The following VPS13B variants were observed in gnomAD, a reference collection of about 807,000 sequenced individuals.
The protein encoded by VPS13B is intermembrane lipid transfer protein VPS13B.
Under a neutral mutation model 426.4 loss-of-function variants are expected in VPS13B, and 285 were observed. That is an observed-to-expected ratio of 0.67 (90% CI 0.61 to 0.74). The LOEUF (loss-of-function observed/expected upper bound fraction) is 0.74, where lower values mean the gene tolerates loss of function less well. VPS13B is among the 30% of genes least tolerant of loss of function. The probability of loss-of-function intolerance (pLI) is 0.00; values close to 1 mark genes in which losing one functional copy is unlikely to be tolerated. For missense variants in VPS13B, 4,537 were observed against 4,782.6 expected, an observed-to-expected ratio of 0.95 and a Z score of 1.51; for synonymous variants, 1,676 against 1,676.4, an observed-to-expected ratio of 1.00 and a Z score of 0.01.
chr8:99,326,452 C>CTTTTTTTTTTGTTTTTTTT (rs1810271194), intron 19 of VPS13B, among the ~76,000 whole-genome samples: 1 of 32,518 alleles, frequency 3.1e-5, no homozygotes, highest in African/African-American at 1.3e-4. Context: ...CTCTAGGTAG[C>CTTTTTTTTTTGTTTTTTTT]TTTTTTTTTT....
At chr8:99,786,737 AAACCTAGAT>A (rs1359293251) in intron 43 of VPS13B, among the ~76,000 whole-genome samples, 1 of 152,176 alleles carries the variant, frequency 6.6e-6, no homozygotes, top group Non-Finnish European at 1.5e-5. Flanking sequence ...CTTAAGACTA[AAACCTAGAT>A]AACCTAGATA....
At chr8:99,254,839 C>T (rs1817668590) in intron 17 of VPS13B, among the ~76,000 whole-genome samples, 1 of 152,000 alleles carries the variant, frequency 6.6e-6, no homozygotes, top group African/African-American at 2.4e-5. Context: ...GACGGGGTTT[C>T]ACCATGTTGG....
intron 2 of VPS13B, among the ~76,000 whole-genome samples, chr8:99,029,504 G>A (rs1032483261): frequency 6.6e-6 from 1 of 152,180 alleles, no homozygotes; most frequent in Non-Finnish European, 1.5e-5. Flanking sequence ...GAGTGAACGA[G>A]ACTCCGTCTG....
intron 19 of VPS13B, among the ~76,000 whole-genome samples, chr8:99,326,452 C>CTTTTTTTTTTTTTT: frequency 0.013 from 409 of 32,526 alleles, 142 homozygotes; most frequent in East Asian, 0.019. Context: ...CTCTAGGTAG[C>CTTTTTTTTTTTTTT]TTTTTTTTTT....
intron 3 of VPS13B, among the ~76,000 whole-genome samples, chr8:99,053,222 G>A (rs1587969404): frequency 6.6e-6 from 1 of 152,008 alleles, no homozygotes; most frequent in African/African-American, 2.4e-5. Flanking sequence ...CATGTGCCAT[G>A]TTTGTGTGCT....
chr8:99,219,865 T>C (rs1815606321), intron 17 of VPS13B, among the ~76,000 whole-genome samples: 1 of 152,196 alleles, frequency 6.6e-6, no homozygotes, highest in Admixed American at 6.5e-5. Context: ...TTCATGTAAA[T>C]TCAAAAGCTT....
chr8:99,228,036 T>C (rs924082537), intron 17 of VPS13B, among the ~76,000 whole-genome samples: 4 of 152,214 alleles, frequency 2.6e-5, no homozygotes, highest in African/African-American at 9.6e-5. Flanking sequence ...TATGGGAGGC[T>C]TAGCCTTCCT....
chr8:99,378,689 TAC>T (rs1813631862), intron 19 of VPS13B, among the ~76,000 whole-genome samples: 1 of 152,346 alleles, frequency 6.6e-6, no homozygotes, highest in South Asian at 2.1e-4. Context: ...CCCGCAACAA[TAC>T]ATAGCTGTTT....
intron 2 of VPS13B, among the ~76,000 whole-genome samples, chr8:99,020,316 T>C (rs1006400824): frequency 6.6e-6 from 1 of 152,220 alleles, no homozygotes; most frequent in Admixed American, 6.5e-5. Context: ...CTTTGCCCAA[T>C]TTTGAATCGG....
chr8:99,754,787 T>C (rs1024826199), intron 39 of VPS13B, among the ~76,000 whole-genome samples: 3 of 152,224 alleles, frequency 2.0e-5, no homozygotes, highest in Non-Finnish European at 2.9e-5. Context: ...GTTAATGACA[T>C]AAAATAGCAT....
rs541789824 is a variant in VPS13B, at chr8:99,703,055, A to C, written c.6454+3123A>C. ...GAAGTGTATGTGGAAAGGAAATAATATGATCAAAAGTGGTAAGTTAATTTT... is the reference window on the plus strand; with the variant it reads ...GAAGTGTATGTGGAAAGGAAATAATCTGATCAAAAGTGGTAAGTTAATTTT... On this transcript the variant is annotated intron_variant, in intron 36 of 61. Transcript: ENST00000357162. Among the ~76,000 whole-genome samples the C allele has an allele frequency of 4.6e-5, 7 of 152,296 alleles. No individual in the cohort carries two copies. The East Asian group carries it at 1.3e-3, about 29-fold the overall frequency.
At chr8:99,121,071 C>A in intron 7 of VPS13B, 106 bp from the exon 8 acceptor site, 1 of 967,020 alleles carries the variant, frequency 1.0e-6, no homozygotes, top group Non-Finnish European at 1.5e-6. Context: ...TTGTTTATAC[C>A]TTATATTAGA....
rs183792716 is a variant in VPS13B at position 99,295,484 on chromosome 8, G to A, written c.2824+20230G>A. Among the ~76,000 whole-genome samples, 68 of 152,236 alleles carry A rather than the reference G, an allele frequency of 4.5e-4. No individual in the cohort carries two copies. The East Asian group carries it at 0.011, about 25-fold the overall frequency. ...GATGTTACAGCTTGATAAATGCTTT[G>A]TAAATAGAAAATATTAAGTAGAAAA... is the stretch of plus-strand genomic sequence containing the variant. On this transcript the variant is annotated intron_variant, in intron 19 of 61. Transcript: ENST00000357162.
chr8:99,043,504 CCTT>C (rs967339859), intron 3 of VPS13B, among the ~76,000 whole-genome samples: 3 of 152,182 alleles, frequency 2.0e-5, no homozygotes, highest in South Asian at 4.2e-4. Flanking sequence ...TAATAAATGG[CCTT>C]CTAATTGGAC....
At chr8:99,612,358 G>A (rs1182403730) in intron 33 of VPS13B, among the ~76,000 whole-genome samples, 2 of 152,146 alleles carry the variant, frequency 1.3e-5, no homozygotes, top group Non-Finnish European at 2.9e-5. Context: ...GTACACAAAA[G>A]TACTCAGTAA....
chr8:99,548,387 A>C (rs1824100492), intron 30 of VPS13B, among the ~76,000 whole-genome samples: 1 of 152,028 alleles, frequency 6.6e-6, no homozygotes, highest in African/African-American at 2.4e-5. Flanking sequence ...ATTATTTGTG[A>C]ATCTTGTGTC....
At chr8:99,101,031 G>C (rs897516636) in intron 4 of VPS13B, among the ~76,000 whole-genome samples, 3 of 151,428 alleles carry the variant, frequency 2.0e-5, no homozygotes, top group African/African-American at 7.3e-5. Context: ...ACGATAGAGA[G>C]AGACTAGTCT....
At chr8:99,430,017 C>T (rs769003101) in intron 21 of VPS13B, among the ~76,000 whole-genome samples, 29 of 152,060 alleles carry the variant, frequency 1.9e-4, no homozygotes, top group Non-Finnish European at 2.9e-4. Flanking sequence ...CCCATGCATA[C>T]CTTTAACTTC....
intron 17 of VPS13B, among the ~76,000 whole-genome samples, chr8:99,253,741 T>A (rs1266523632): frequency 6.6e-6 from 1 of 152,198 alleles, no homozygotes; most frequent in Non-Finnish European, 1.5e-5. Context: ...CAATAATTGA[T>A]ATGTTAGACT....
Sources: allele counts gnomAD v4.1 joint callset (sites outside exome capture counted in the v4.1 genomes callset), GRCh38; gene constraint gnomAD v4.1.1; transcripts MANE v1.5; gene names NCBI Gene and HGNC (gene_info 2026-07-23, HGNC 2026-07-21).